Variants in MAST4 observed in about 807,000 individuals in gnomAD.
MAST4 encodes the protein microtubule-associated serine/threonine-protein kinase 4.
In MAST4, 89 loss-of-function variants were observed where a neutral mutation model predicts 162.7. That is an observed-to-expected ratio of 0.55 (90% CI 0.46 to 0.65). The LOEUF is 0.65. MAST4 is among the 30% of genes least tolerant of loss of function. The pLI is 0.00. For missense variants in MAST4, 3,153 were observed against 3,374.0 expected (o/e 0.93, Z 1.62); for synonymous variants, 1,479 against 1,361.1 (o/e 1.09, Z -1.91).
At chr5:66,702,717 G>A (rs1034729339) in intron 1 of MAST4, among the ~76,000 whole-genome samples, 1 of 152,144 alleles carries the variant, frequency 6.6e-6, no homozygotes, top group African/African-American at 2.4e-5. Context: ...GGAAGGGCAG[G>A]TTGACAGAGG....
chr5:67,152,368 T>C (rs2151079640), intron 24 of MAST4, among the ~76,000 whole-genome samples: 1 of 152,358 alleles, frequency 6.6e-6, no homozygotes, highest in East Asian at 1.9e-4. Flanking sequence ...TAAAAAATTA[T>C]AACATGAGAG....
intron 19 of MAST4, among the ~76,000 whole-genome samples, chr5:67,138,536 C>T (rs1303655157): frequency 2.0e-5 from 3 of 151,784 alleles, no homozygotes; most frequent in Non-Finnish European, 2.9e-5. Context: ...CAGGTTCAAG[C>T]GATTCTCATG....
intron 27 of MAST4, among the ~76,000 whole-genome samples, chr5:67,162,021 A>G (rs1773235670): frequency 6.6e-6 from 1 of 152,058 alleles, no homozygotes; most frequent in South Asian, 2.1e-4. Context: ...GCTGCAGTAC[A>G]GTGTCTGCTG....
intron 1 of MAST4, among the ~76,000 whole-genome samples, chr5:66,679,548 A>AT (rs1467402185): frequency 2.0e-5 from 3 of 151,968 alleles, no homozygotes; most frequent in South Asian, 2.1e-4. Flanking sequence ...ACCTGGTGAG[A>AT]TTTTTCCCTT....
intron 4 of MAST4, among the ~76,000 whole-genome samples, chr5:67,050,268 G>A (rs1758011468): frequency 6.6e-6 from 1 of 152,184 alleles, no homozygotes; most frequent in Admixed American, 6.5e-5. Context: ...TCAGGGAGCA[G>A]GTGTGGTGCC....
At chr5:66,898,420 G>A (rs1038498996) in intron 3 of MAST4, among the ~76,000 whole-genome samples, 1 of 152,122 alleles carries the variant, frequency 6.6e-6, no homozygotes, top group Non-Finnish European at 1.5e-5. Context: ...TCCATGTATA[G>A]AAAATTACTC....
chr5:66,703,750 C>T lies in MAST4; in HGVS notation c.364-55959C>T, dbSNP rs191656657. Among the ~76,000 whole-genome samples the T allele has an allele frequency of 7.3e-4, 111 of 152,120 alleles. 1 individual carries two copies. The highest frequency in any genetic ancestry group is 2.5e-3 in the African/African-American group (102 of 41,480). On this transcript the variant is annotated intron_variant, in intron 1 of 28. Coordinates refer to ENST00000403625, the MANE Select transcript of MAST4 (RefSeq NM_001164664.2). ...GTTATTCTTAGGCATGTCCAAGGTT[C>T]GGAAATAGTCATTAAGCTAGTATAC...
At chr5:66,669,937 G>A (rs1747503263) in intron 1 of MAST4, among the ~76,000 whole-genome samples, 1 of 152,234 alleles carries the variant, frequency 6.6e-6, no homozygotes, top group South Asian at 2.1e-4. Context: ...TATCTCCTTA[G>A]TGTGAAGTTG....
chr5:67,045,872 A>T (rs1757310528), intron 4 of MAST4, among the ~76,000 whole-genome samples: 1 of 152,238 alleles, frequency 6.6e-6, no homozygotes, highest in Non-Finnish European at 1.5e-5. Context: ...GAACTTGAAG[A>T]TAATGAGTGA....
rs188763862 is a variant in MAST4 at position 67,047,660 on chromosome 5, G to C, written c.675-6744G>C. On this transcript the variant is annotated intron_variant, in intron 4 of 28. Transcript: ENST00000403625. ...CCCTTGAGAGCAGAGATTTTTGTTTGTTTAGAATAGTGCCTAGCATATCTT... is the reference window on the plus strand; with the variant it reads ...CCCTTGAGAGCAGAGATTTTTGTTTCTTTAGAATAGTGCCTAGCATATCTT... 3.8e-4 allele frequency among the ~76,000 whole-genome samples: 58 copies of C among 152,222 alleles called. 1 individual carries two copies. The highest frequency in any genetic ancestry group is 4.7e-4 in the Non-Finnish European group (32 of 68,016).
At chr5:67,104,853 C>A (rs1043562558) in intron 10 of MAST4, among the ~76,000 whole-genome samples, 1 of 152,150 alleles carries the variant, frequency 6.6e-6, no homozygotes, top group African/African-American at 2.4e-5. Flanking sequence ...GATTTTGAAG[C>A]AGTGATTTTT....
At chr5:67,043,971 C>T (rs1410426833) in intron 4 of MAST4, among the ~76,000 whole-genome samples, 2 of 152,116 alleles carry the variant, frequency 1.3e-5, no homozygotes, top group African/African-American at 2.4e-5. Context: ...CTCCACCTTT[C>T]CCCCAACTTT....
chr5:66,767,674 C>T (rs1469346945), intron 2 of MAST4, among the ~76,000 whole-genome samples: 1 of 151,918 alleles, frequency 6.6e-6, no homozygotes, highest in Non-Finnish European at 1.5e-5. Context: ...CACCAGGTCC[C>T]ACAATAGGCC....
intron 5 of MAST4, among the ~76,000 whole-genome samples, chr5:67,060,146 C>T (rs192397820): frequency 2.6e-5 from 4 of 152,266 alleles, no homozygotes; most frequent in African/African-American, 9.6e-5. Flanking sequence ...AAGGACCTTT[C>T]TCCTTTTGAT....
intron 9 of MAST4, 92 bp downstream of exon 9, chr5:67,102,703 G>C (rs892754375): frequency 1.1e-6 from 1 of 924,330 alleles, no homozygotes; most frequent in African/African-American, 1.6e-5. Context: ...GGAAGTAAGG[G>C]TCCAATCTAG....
intron 5 of MAST4, among the ~76,000 whole-genome samples, chr5:67,068,753 T>A (rs1325927516): frequency 6.6e-6 from 1 of 152,296 alleles, no homozygotes; most frequent in Non-Finnish European, 1.5e-5. Flanking sequence ...TGGGATGTTT[T>A]AAGTATAGAA....
At chr5:66,849,393 C>G (rs1222431901) in intron 3 of MAST4, among the ~76,000 whole-genome samples, 2 of 152,108 alleles carry the variant, frequency 1.3e-5, no homozygotes, top group African/African-American at 4.8e-5. Flanking sequence ...GCATCCAGTT[C>G]CCTCCTCCTG....
intron 1 of MAST4, among the ~76,000 whole-genome samples, chr5:66,651,180 CT>C (rs964788068): frequency 2.8e-4 from 41 of 146,402 alleles, no homozygotes; most frequent in Admixed American, 3.4e-4. Context: ...GATTGAGAAT[CT>C]TTTTTTTTTT....
At chr5:66,792,192 C>T (rs528258465) in intron 3 of MAST4, 1 of 167,830 alleles carries the variant, frequency 6.0e-6, no homozygotes, top group South Asian at 2.1e-4. Flanking sequence ...TCAGCTTTCT[C>T]TTTTCCTTGT....
Sources: gnomAD v4.1 joint callset for allele counts (sites outside exome capture counted in the v4.1 genomes callset) on GRCh38, gnomAD v4.1.1 for gene constraint, MANE v1.5 for transcripts, NCBI Gene and HGNC (gene_info 2026-07-23, HGNC 2026-07-21) for gene names.